EMCN: variants seen among roughly 807,000 people sequenced by gnomAD.
The protein encoded by EMCN is MUC-14.
EMCN carries 37 observed loss-of-function variants against 38.4 expected under a neutral mutation model. That is an observed-to-expected ratio of 0.96 (90% CI 0.74 to 1.27). The LOEUF (loss-of-function observed/expected upper bound fraction) is 1.27. Among genes scored for constraint, EMCN ranks in the 50% most tolerant of loss-of-function variants. The pLI is 0.00. For missense variants in EMCN, 318 were observed against 302.8 expected (o/e 1.05, Z -0.37); for synonymous variants, 95 against 100.8 (o/e 0.94, Z 0.35).
intron 4 of EMCN, among the ~76,000 whole-genome samples, chr4:100,452,232 C>G (rs557865455): frequency 6.6e-6 from 1 of 151,942 alleles, no homozygotes; most frequent in East Asian, 1.9e-4. Flanking sequence ...AAAATAAACT[C>G]CATATTAAAC....
chr4:100,452,928 A>G (rs1003270913), intron 4 of EMCN, among the ~76,000 whole-genome samples: 2 of 152,202 alleles, frequency 1.3e-5, no homozygotes, highest in Non-Finnish European at 2.9e-5. Flanking sequence ...GCAATAGGGA[A>G]AGGATTCCCT....
At chr4:100,415,247 T>A (rs1176024821) in intron 10 of EMCN, among the ~76,000 whole-genome samples, 1 of 152,216 alleles carries the variant, frequency 6.6e-6, no homozygotes, top group African/African-American at 2.4e-5. Context: ...TGTTTCGTGA[T>A]ATCAATGGTT....
intron 5 of EMCN, among the ~76,000 whole-genome samples, chr4:100,446,787 T>C (rs948276822): frequency 1.3e-5 from 2 of 152,170 alleles, no homozygotes; most frequent in African/African-American, 2.4e-5. Flanking sequence ...TTTCCTTCTT[T>C]GTGCTCATGA....
At chr4:100,466,233 G>T (rs1728313048) in intron 3 of EMCN, among the ~76,000 whole-genome samples, 1 of 152,166 alleles carries the variant, frequency 6.6e-6, no homozygotes, top group Non-Finnish European at 1.5e-5. Context: ...GTCTAATGTG[G>T]AAACATTGGG....
chr4:100,403,338 T>C (rs531726066), intron 11 of EMCN, among the ~76,000 whole-genome samples: 2 of 152,232 alleles, frequency 1.3e-5, no homozygotes, highest in East Asian at 3.9e-4. Context: ...AATAATGGAC[T>C]CCAGATTCAT....
At chr4:100,511,400 C>T (rs1560647615) in intron 1 of EMCN, among the ~76,000 whole-genome samples, 1 of 152,126 alleles carries the variant, frequency 6.6e-6, no homozygotes, top group Non-Finnish European at 1.5e-5. Context: ...ACTGTGATCT[C>T]CATTCTCTAG....
At chr4:100,467,675 C>T (rs959265205) in intron 3 of EMCN, among the ~76,000 whole-genome samples, 19 of 129,384 alleles carry the variant, frequency 1.5e-4, no homozygotes, top group Non-Finnish European at 2.7e-4. Context: ...GAGTGAGACT[C>T]CGTCTCAAAA....
At chr4:100,472,623 A>G (rs1172654316) in intron 3 of EMCN, among the ~76,000 whole-genome samples, 4 of 152,166 alleles carry the variant, frequency 2.6e-5, no homozygotes, top group African/African-American at 9.6e-5. Flanking sequence ...CAAAATTCAC[A>G]TTAAAATTAG....
chr4:100,414,184 A>G (rs1326395039), intron 10 of EMCN, among the ~76,000 whole-genome samples: 1 of 152,028 alleles, frequency 6.6e-6, no homozygotes, highest in Non-Finnish European at 1.5e-5. Context: ...ACCCTGACTC[A>G]CCACTTGGAG....
chr4:100,498,525 A>T (rs142093928), intron 1 of EMCN, among the ~76,000 whole-genome samples: 9 of 151,250 alleles, frequency 6.0e-5, no homozygotes, highest in Non-Finnish European at 1.2e-4. Context: ...TCGCTCTGTC[A>T]CCCAGGAGTG....
rs1018893999 is a variant in EMCN at position 100,398,355 on chromosome 4, T to TAGAA, written c.*54_*57dup. ...TTTCTCCTTTTCCACGCTTGGTGCA[T>TAGAA]AGAAGCTGAAGATTAAGCCTGTGAG... On this transcript the variant is annotated 3_prime_UTR_variant, in exon 12 of 12. Coordinates refer to ENST00000296420, the MANE Select transcript of EMCN (RefSeq NM_016242.4). 6.6e-6 allele frequency: 1 copy of TAGAA among 151,090 alleles called. No individual in the cohort carries two copies. Among genetic ancestry groups the TAGAA allele is most frequent in the Admixed American group, 6.6e-5 (1 of 15,080 alleles). The allele number at this position is 151,090 out of a possible 1,614,324, so 9.4% of individuals were successfully genotyped here. A position where few individuals can be genotyped will look rare whatever the true frequency, so the allele number is the denominator to read the frequency against.
At chr4:100,431,883 T>G (rs1358672691) in intron 5 of EMCN, among the ~76,000 whole-genome samples, 2 of 152,086 alleles carry the variant, frequency 1.3e-5, no homozygotes, top group African/African-American at 4.8e-5. Flanking sequence ...CTAATACAGT[T>G]GTTTTCCCCA....
intron 11 of EMCN, among the ~76,000 whole-genome samples, chr4:100,408,343 T>C (rs972573301): frequency 3.9e-5 from 6 of 152,194 alleles, no homozygotes; most frequent in African/African-American, 2.4e-5. Flanking sequence ...TTCTCACCTA[T>C]GTGGACTGAT....
At chr4:100,498,194 T>C (rs1729258952) in intron 1 of EMCN, among the ~76,000 whole-genome samples, 1 of 152,192 alleles carries the variant, frequency 6.6e-6, no homozygotes. Flanking sequence ...AAACAATGTC[T>C]GAAATGAAAT....
intron 5 of EMCN, among the ~76,000 whole-genome samples, chr4:100,440,320 G>A (rs888021482): frequency 7.2e-5 from 11 of 151,918 alleles, no homozygotes; most frequent in Non-Finnish European, 1.3e-4. Flanking sequence ...GAATTCTGAG[G>A]TTTTAGTGCA....
intron 4 of EMCN, among the ~76,000 whole-genome samples, chr4:100,449,589 A>C (rs913333993): frequency 7.9e-5 from 12 of 152,134 alleles, no homozygotes; most frequent in African/African-American, 2.9e-4. Context: ...GAATACAAGG[A>C]AATCAAAATC....
At chr4:100,441,841 TA>T (rs1185489183) in intron 5 of EMCN, among the ~76,000 whole-genome samples, 1 of 152,200 alleles carries the variant, frequency 6.6e-6, no homozygotes, top group Admixed American at 6.5e-5. Flanking sequence ...GTATATTTAT[TA>T]ACAACTTGTT....
chr4:100,471,663 T>C (rs971696748), intron 3 of EMCN, among the ~76,000 whole-genome samples: 1 of 151,880 alleles, frequency 6.6e-6, no homozygotes, highest in African/African-American at 2.4e-5. Context: ...ATTTCATGAA[T>C]ATAGACATAA....
rs552721206 is a variant in EMCN, at chr4:100,469,200, C to T, written c.260-3661G>A. Among the ~76,000 whole-genome samples, 201 of 152,148 alleles carry T rather than the reference C, an allele frequency of 1.3e-3. 1 individual carries two copies. Among genetic ancestry groups the T allele is most frequent in the Admixed American group, 0.013 (200 of 15,286 alleles). ...TACCACATGCAAAAGAATGAAATTG[C>T]ACCCTTATTTGACACAACACACAAA... is the stretch of plus-strand genomic sequence containing the variant. On this transcript the variant is annotated intron_variant, in intron 3 of 11. Coordinates refer to ENST00000296420, the MANE Select transcript of EMCN (RefSeq NM_016242.4).
Sources: gnomAD v4.1 joint callset for allele counts (sites outside exome capture counted in the v4.1 genomes callset) on GRCh38, gnomAD v4.1.1 for gene constraint, MANE v1.5 for transcripts, NCBI Gene and HGNC (gene_info 2026-07-23, HGNC 2026-07-21) for gene names.